NAP1L1: variants seen among roughly 807,000 people sequenced by gnomAD.
NAP1L1 encodes the protein nucleosome assembly protein 1-like 1.
In NAP1L1, 9 loss-of-function variants were observed where a neutral mutation model predicts 58.9. That is an observed-to-expected ratio of 0.15 (90% CI 0.09 to 0.27). NAP1L1 has a LOEUF of 0.27. NAP1L1 is among the 10% of genes least tolerant of loss of function. The probability of loss-of-function intolerance (pLI) is 1.00; values close to 1 mark genes in which losing one functional copy is unlikely to be tolerated. For synonymous variants in NAP1L1, 130 were observed against 138.3 expected (o/e 0.94, Z 0.42); for missense variants, 302 against 458.8 (o/e 0.66, Z 3.12).
At chr12:76,056,605 T>C (rs1949100794) in intron 6 of NAP1L1, 1 of 455,842 alleles carries the variant, frequency 2.2e-6, no homozygotes, top group Non-Finnish European at 4.4e-6. Flanking sequence ...AGCTCTGCCA[T>C]TATTCATTGT....
rs1474294318 is a variant in NAP1L1, at chr12:76,040,471, T to G, written c.*7958A>C. The G allele has an allele frequency of 6.6e-6, 1 of 152,212 alleles. No individual in the cohort carries two copies. Among genetic ancestry groups the G allele is most frequent in the Non-Finnish European group, 1.5e-5 (1 of 68,064 alleles). 9.4% of individuals were successfully genotyped at this position (152,212 alleles called of 1,614,324 possible). On this transcript the variant is annotated 3_prime_UTR_variant, in exon 15 of 15. Transcript: ENST00000618691. ...AAGGCAGTGAGGATTGAGACTGTTATAATCCAGTTCCACCTGAGAGTAAAT... is the reference window on the plus strand; with the variant it reads ...AAGGCAGTGAGGATTGAGACTGTTAGAATCCAGTTCCACCTGAGAGTAAAT...
At chr12:76,073,184 C>A (rs555022114) in intron 2 of NAP1L1, among the ~76,000 whole-genome samples, 12 of 151,712 alleles carry the variant, frequency 7.9e-5, no homozygotes, top group Non-Finnish European at 1.5e-4. Context: ...AGATAAAATG[C>A]GTAAGAGTGG....
intron 4 of NAP1L1, among the ~76,000 whole-genome samples, chr12:76,065,672 T>G (rs1376537324): frequency 6.6e-6 from 1 of 152,026 alleles, no homozygotes; most frequent in Non-Finnish European, 1.5e-5. Context: ...ACTTTGAAAC[T>G]AAAGACACAG....
intron 11 of NAP1L1, among the ~76,000 whole-genome samples, chr12:76,052,083 A>G (rs1178008937): frequency 2.0e-5 from 3 of 152,136 alleles, no homozygotes; most frequent in African/African-American, 7.2e-5. Flanking sequence ...TACAAGTTCT[A>G]TGATACTAAA....
chr12:76,056,611 AT>A, intron 6 of NAP1L1: 1 of 456,006 alleles, frequency 2.2e-6, no homozygotes, highest in Non-Finnish European at 4.4e-6. Flanking sequence ...GCCATTATTC[AT>A]TGTGGGCAAG....
chr12:76,075,245 G>C (rs1359141042), intron 1 of NAP1L1, among the ~76,000 whole-genome samples: 1 of 152,132 alleles, frequency 6.6e-6, no homozygotes, highest in Non-Finnish European at 1.5e-5. Flanking sequence ...CTGCCCAAGA[G>C]ACAGGAAGAT....
Position 76,055,119 on chromosome 12 carries a change from A to G in NAP1L1, c.559-29T>C, listed in dbSNP as rs778371326. On this transcript the variant is annotated intron_variant, in intron 7 of 14. Coordinates refer to ENST00000618691, the MANE Select transcript of NAP1L1 (RefSeq NM_004537.7). The stretch of plus-strand genomic sequence containing the variant: ...CAAATTAAAAAAATAATAAAAATGA[A>G]TAACATGGCATTCGAGGACTGTGTT... 8.1e-6 allele frequency: 12 copies of G among 1,474,266 alleles called. 1 individual carries two copies. The South Asian group carries it at 1.1e-4, about 13-fold the overall frequency. The allele number at this position is 1,474,266 out of a possible 1,614,324, so 91.3% of individuals were successfully genotyped here. A position where few individuals can be genotyped will look rare whatever the true frequency, so the allele number is the denominator to read the frequency against.
At position 76,070,399 on chromosome 12, in the gene NAP1L1, C is replaced by T. The variant is rs1223778215; in HGVS notation, c.18-1405G>A. The stretch of plus-strand genomic sequence containing the variant: ...CTGGGATTACAGGCATAAGCCACCA[C>T]GCCCAGCCTATTTCTGGAAGAACTT... On this transcript the variant is annotated intron_variant, in intron 2 of 14. Coordinates refer to ENST00000618691, the MANE Select transcript of NAP1L1 (RefSeq NM_004537.7). 6.6e-5 allele frequency among the ~76,000 whole-genome samples: 10 copies of T among 152,288 alleles called. No individual in the cohort carries two copies. The East Asian group carries it at 9.7e-4, about 15-fold the overall frequency.
intron 14 of NAP1L1, 23 bp from the exon 15 acceptor site, chr12:76,048,487 C>T (rs1948678185): frequency 6.2e-7 from 1 of 1,613,330 alleles, no homozygotes; most frequent in Non-Finnish European, 8.5e-7. Flanking sequence ...AACAACAAGT[C>T]AATCTATCTT....
At chr12:76,080,075 C>T (rs1430682079) in intron 1 of NAP1L1, among the ~76,000 whole-genome samples, 1 of 152,162 alleles carries the variant, frequency 6.6e-6, no homozygotes, top group Non-Finnish European at 1.5e-5. Context: ...TAATTGGATA[C>T]ATAGAGCTGA....
At position 76,068,845 on chromosome 12, in the gene NAP1L1, A is replaced by C. The variant is rs1456473181; in HGVS notation, c.103+64T>G. The C allele has an allele frequency of 2.1e-5, 26 of 1,233,324 alleles. No homozygotes were observed. The Admixed American group carries it at 4.7e-4, about 22-fold the overall frequency. The allele number at this position is 1,233,324 out of a possible 1,614,324, so 76.4% of individuals were successfully genotyped here. ...GGTCCAAAAAAATAGACTGGTACTT[A>C]TAACTACCCTCTAGTAGACATGTGC... is the stretch of plus-strand genomic sequence containing the variant. On this transcript the variant is annotated intron_variant, in intron 3 of 14. Coordinates refer to ENST00000618691, the MANE Select transcript of NAP1L1 (RefSeq NM_004537.7).
rs1948557977 is a variant in NAP1L1, at chr12:76,042,206, C to A, written c.*6223G>T. On this transcript the variant is annotated 3_prime_UTR_variant, in exon 15 of 15. Transcript: ENST00000618691. ...TGCCTTTGAACCAAGAAAACCCCAA[C>A]TAGTTCAGAAATAAAGTTCTAAAAC... The A allele has an allele frequency of 6.6e-6, 1 of 152,168 alleles. No individual in the cohort carries two copies. The highest frequency in any genetic ancestry group is 2.1e-4 in the South Asian group (1 of 4,830). The allele number at this position is 152,168 out of a possible 1,614,324, so 9.4% of individuals were successfully genotyped here.
Position 76,038,588 on chromosome 12 carries a change from A to G in NAP1L1, c.*9841T>C, listed in dbSNP as rs1218276616. ...AAGGTGGTAGTGGTGTTACTTTAGA[A>G]GAACAACTCAGGCTTCAGAGAGGGT... On this transcript the variant is annotated 3_prime_UTR_variant, in exon 15 of 15. Transcript: ENST00000618691. 1 of 152,092 alleles carries G rather than the reference A, an allele frequency of 6.6e-6. No individual in the cohort carries two copies. Among genetic ancestry groups the G allele is most frequent in the Admixed American group, 6.5e-5 (1 of 15,268 alleles). The allele number at this position is 152,092 out of a possible 1,614,324, so 9.4% of individuals were successfully genotyped here.
In NAP1L1 at chr12:76,051,329, A is replaced by AT. The variant is rs1428540005; in HGVS notation, c.937-677dup. 3.9e-5 allele frequency among the ~76,000 whole-genome samples: 5 copies of AT among 128,904 alleles called. No individual in the cohort carries two copies. In the Admixed American group the frequency reaches 4.0e-4, roughly 10 times the overall value. 84.6% of individuals were successfully genotyped at this position (128,904 alleles called of 152,430 possible). A position where few individuals can be genotyped will look rare whatever the true frequency, so the allele number is the denominator to read the frequency against. On this transcript the variant is annotated intron_variant, in intron 11 of 14. Transcript: ENST00000618691. ...ATTATTGAAAACACCAAATAGAAAA[A>AT]TAAAAAAAAAAACCCTTGGGTTATT...
At position 76,039,747 on chromosome 12, in the gene NAP1L1, C is replaced by T. The variant is rs1012804378; in HGVS notation, c.*8682G>A. ...TGTCATTGTTAAAGTTACTTAACTT[C>T]CATCCTTATGCATAAAAAGGGAATT... On this transcript the variant is annotated 3_prime_UTR_variant, in exon 15 of 15. Transcript: ENST00000618691. The T allele has an allele frequency of 6.6e-6, 1 of 152,182 alleles. No homozygotes were observed. The highest frequency in any genetic ancestry group is 2.4e-5 in the African/African-American group (1 of 41,442). 9.4% of individuals were successfully genotyped at this position (152,182 alleles called of 1,614,324 possible).
At chr12:76,083,516 C>T (rs1434928475) in intron 1 of NAP1L1, among the ~76,000 whole-genome samples, 1 of 147,964 alleles carries the variant, frequency 6.8e-6, no homozygotes, top group East Asian at 2.0e-4. Flanking sequence ...TTGTGTTGGG[C>T]CACATTTAAA....
chr12:76,051,317 C>T (rs1193295307), intron 11 of NAP1L1, among the ~76,000 whole-genome samples: 2 of 140,890 alleles, frequency 1.4e-5, no homozygotes, highest in Admixed American at 7.4e-5. Context: ...ATTGAAAACA[C>T]CAAATAGAAA....
At chr12:76,057,372 T>C in intron 6 of NAP1L1, 1 of 411,734 alleles carries the variant, frequency 2.4e-6, no homozygotes, top group South Asian at 2.3e-5. Context: ...ACAGTTCATC[T>C]GCATTATCAT....
chr12:76,056,388 A>G (rs1175172173), intron 6 of NAP1L1: 1 of 456,804 alleles, frequency 2.2e-6, no homozygotes, highest in Non-Finnish European at 3.9e-6. Flanking sequence ...TGTAGGAAAA[A>G]CCATTTTAGT....
Sources: gnomAD v4.1 joint callset for allele counts (sites outside exome capture counted in the v4.1 genomes callset) on GRCh38, gnomAD v4.1.1 for gene constraint, MANE v1.5 for transcripts, NCBI Gene and HGNC (gene_info 2026-07-23, HGNC 2026-07-21) for gene names.